STAU2: variants seen among roughly 807,000 people sequenced by gnomAD.
STAU2 encodes double-stranded RNA-binding protein Staufen homolog 2.
A neutral mutation model predicts 65.9 loss-of-function variants in STAU2; 20 were observed. The ratio of observed to expected loss-of-function variants is 0.30; its 90% CI spans 0.21 to 0.44. The LOEUF (loss-of-function observed/expected upper bound fraction) is 0.44, where lower values mean the gene tolerates loss of function less well. STAU2 is among the 20% of genes least tolerant of loss of function. The probability of loss-of-function intolerance (pLI) is 1.00; values close to 1 mark genes in which losing one functional copy is unlikely to be tolerated. For synonymous variants in STAU2, 232 were observed against 233.9 expected (o/e 0.99, Z 0.07); for missense variants, 558 against 683.9 (o/e 0.82, Z 2.05).
chr8:73,703,320 C>G (rs760241920), intron 4 of STAU2, among the ~76,000 whole-genome samples: 10 of 152,090 alleles, frequency 6.6e-5, no homozygotes, highest in Admixed American at 1.3e-4. Context: ...ATATGACATG[C>G]CTTTTACTTC....
At chr8:73,745,185 G>T (rs1262947899) in intron 1 of STAU2, among the ~76,000 whole-genome samples, 2 of 152,180 alleles carry the variant, frequency 1.3e-5, no homozygotes, top group African/African-American at 4.8e-5. Context: ...TAACTGCTTC[G>T]CAAATTTAAT....
intron 4 of STAU2, among the ~76,000 whole-genome samples, chr8:73,690,227 G>T (rs539178856): frequency 6.6e-6 from 1 of 150,714 alleles, no homozygotes; most frequent in African/African-American, 2.4e-5. Context: ...TACTCGGGAG[G>T]CTGAGGCAGG....
chr8:73,708,661 T>C (rs1191108663), intron 4 of STAU2, among the ~76,000 whole-genome samples: 1 of 152,138 alleles, frequency 6.6e-6, no homozygotes, highest in Non-Finnish European at 1.5e-5. Flanking sequence ...TGTGATTTAA[T>C]GGAAAGCACA....
intron 6 of STAU2, among the ~76,000 whole-genome samples, chr8:73,637,983 C>T (rs1405484400): frequency 2.0e-5 from 3 of 151,614 alleles, no homozygotes; most frequent in Non-Finnish European, 4.4e-5. Context: ...TACATACTGA[C>T]ATGGAATGCT....
chr8:73,468,678 T>G (rs936735380), intron 13 of STAU2, among the ~76,000 whole-genome samples: 1 of 152,230 alleles, frequency 6.6e-6, no homozygotes, highest in African/African-American at 2.4e-5. Context: ...AGAAGACATT[T>G]ATGCAGCCAA....
At chr8:73,493,951 C>T (rs1204765062) in intron 13 of STAU2, among the ~76,000 whole-genome samples, 1 of 151,682 alleles carries the variant, frequency 6.6e-6, no homozygotes. Context: ...ATGTCAAAAG[C>T]GCTTTACTGA....
At chr8:73,603,073 G>A (rs1362565199) in intron 10 of STAU2, among the ~76,000 whole-genome samples, 1 of 152,144 alleles carries the variant, frequency 6.6e-6, no homozygotes, top group African/African-American at 2.4e-5. Context: ...GTTTGAAATT[G>A]TAATAAAAAA....
chr8:73,631,144 C>T lies in STAU2; in HGVS notation c.411-13693G>A, dbSNP rs1463459808. Among the ~76,000 whole-genome samples, 5 of 152,054 alleles carry T rather than the reference C, an allele frequency of 3.3e-5. No homozygotes were observed. The East Asian group carries it at 9.6e-4, about 29-fold the overall frequency. The stretch of plus-strand genomic sequence containing the variant: ...GCCAAGGCAGGAGGATCACTTGAGG[C>T]CAGGAGTTTGAGACCAGCCTTGCCA... On this transcript the variant is annotated intron_variant, in intron 6 of 14. Coordinates refer to ENST00000524300, the MANE Select transcript of STAU2 (RefSeq NM_001164380.2).
At chr8:73,570,320 C>T (rs1008713952) in intron 12 of STAU2, among the ~76,000 whole-genome samples, 4 of 152,232 alleles carry the variant, frequency 2.6e-5, no homozygotes, top group East Asian at 1.9e-4. Flanking sequence ...TGTGAAAAGA[C>T]CAAATCTACG....
At chr8:73,448,473 G>A (rs1818603689) in intron 13 of STAU2, among the ~76,000 whole-genome samples, 1 of 152,172 alleles carries the variant, frequency 6.6e-6, no homozygotes, top group Non-Finnish European at 1.5e-5. Flanking sequence ...AGTAGAGACG[G>A]GGTTTCACCC....
chr8:73,441,970 A>C (rs1818179160), intron 13 of STAU2, among the ~76,000 whole-genome samples: 1 of 152,194 alleles, frequency 6.6e-6, no homozygotes, highest in Non-Finnish European at 1.5e-5. Flanking sequence ...AGTCACTGTA[A>C]AGTTCAAGAA....
intron 12 of STAU2, among the ~76,000 whole-genome samples, chr8:73,576,545 GGGGA>G (rs1301662489): frequency 2.6e-5 from 4 of 152,130 alleles, no homozygotes; most frequent in African/African-American, 9.7e-5. Flanking sequence ...ATAGCCAATG[GGGGA>G]TATGAAAGAG....
chr8:73,706,382 T>C (rs1268601927), intron 4 of STAU2, among the ~76,000 whole-genome samples: 3 of 152,058 alleles, frequency 2.0e-5, no homozygotes, highest in African/African-American at 4.8e-5. Flanking sequence ...CTCCTGAAGT[T>C]CTGGGATTAC....
intron 12 of STAU2, among the ~76,000 whole-genome samples, chr8:73,580,803 C>A (rs1450266398): frequency 6.6e-6 from 1 of 152,148 alleles, no homozygotes. Context: ...CTATCGTAAT[C>A]CAAGGAAGGG....
intron 13 of STAU2, among the ~76,000 whole-genome samples, chr8:73,446,481 G>A (rs1818472628): frequency 6.6e-6 from 1 of 152,220 alleles, no homozygotes; most frequent in African/African-American, 2.4e-5. Context: ...TCAGTGAGAT[G>A]TAACCACTGG....
chr8:73,725,605 T>A (rs770004510), intron 3 of STAU2, among the ~76,000 whole-genome samples: 4 of 152,176 alleles, frequency 2.6e-5, no homozygotes, highest in Non-Finnish European at 5.9e-5. Flanking sequence ...AAGACCAGCC[T>A]GGCCAACATG....
In STAU2 at chr8:73,547,097, G is replaced by C. The variant is rs551206528; in HGVS notation, c.1530+4915C>G. ...TTCTGTATCATGATGGCTCATTTCA[G>C]ATCTACATTAAAGTTTCTTTGGTTG... On this transcript the variant is annotated intron_variant, in intron 13 of 14. Coordinates refer to ENST00000524300, the MANE Select transcript of STAU2 (RefSeq NM_001164380.2). Among the ~76,000 whole-genome samples the C allele has an allele frequency of 3.3e-5, 5 of 152,174 alleles. No individual in the cohort carries two copies. In the South Asian group the frequency reaches 8.3e-4, roughly 25 times the overall value.
chr8:73,690,681 A>T (rs1345634068), intron 4 of STAU2, among the ~76,000 whole-genome samples: 1 of 152,226 alleles, frequency 6.6e-6, no homozygotes, highest in Non-Finnish European at 1.5e-5. Flanking sequence ...AATGTGGCAA[A>T]TAAATTAACG....
At chr8:73,632,375 A>G (rs1814165199) in intron 6 of STAU2, among the ~76,000 whole-genome samples, 1 of 152,148 alleles carries the variant, frequency 6.6e-6, no homozygotes, top group South Asian at 2.1e-4. Context: ...CAGTGTATAT[A>G]AGGTTCCTTA....
Sources: allele counts gnomAD v4.1 joint callset (sites outside exome capture counted in the v4.1 genomes callset), GRCh38; gene constraint gnomAD v4.1.1; transcripts MANE v1.5; gene names NCBI Gene and HGNC (gene_info 2026-07-23, HGNC 2026-07-21).